DYM: variants seen among roughly 807,000 people sequenced by gnomAD.
The protein encoded by DYM is dyggve-Melchior-Clausen syndrome protein.
In DYM, 78 loss-of-function variants were observed where a neutral mutation model predicts 93.1. The ratio of observed to expected loss-of-function variants is 0.84; its 90% CI spans 0.70 to 1.01. The LOEUF (loss-of-function observed/expected upper bound fraction) is 1.01. DYM is among the 50% of genes least tolerant of loss of function. DYM has a pLI of 0.00. For missense variants in DYM, 789 were observed against 845.0 expected (o/e 0.93, Z 0.82); for synonymous variants, 321 against 319.7 (o/e 1.00, Z -0.04).
intron 15 of DYM, among the ~76,000 whole-genome samples, chr18:49,131,317 T>A (rs1295338380): frequency 6.6e-6 from 1 of 151,054 alleles, no homozygotes; most frequent in East Asian, 2.0e-4. Flanking sequence ...GCAAGTGAGC[T>A]CTGGTGTCTC....
At position 49,181,929 on chromosome 18, in the gene DYM, T is replaced by C. The variant is rs536144700; in HGVS notation, c.1626-18142A>G. On this transcript the variant is annotated intron_variant, in intron 14 of 17. Coordinates refer to ENST00000675505, the MANE Select transcript of DYM (RefSeq NM_001353214.3). ...TTGAGATCTTTCTTTCTTTCCAATA[T>C]AGGCATTTCAGGCTATACCTTCCCC... 3.3e-5 allele frequency among the ~76,000 whole-genome samples: 5 copies of C among 152,268 alleles called. No homozygotes were observed. The South Asian group carries it at 8.3e-4, about 25-fold the overall frequency.
At chr18:49,244,216 A>G (rs1041855697) in intron 13 of DYM, among the ~76,000 whole-genome samples, 1 of 152,158 alleles carries the variant, frequency 6.6e-6, no homozygotes, top group Non-Finnish European at 1.5e-5. Context: ...AGAACTGAGG[A>G]AATCCTCACT....
intron 17 of DYM, among the ~76,000 whole-genome samples, chr18:49,076,068 ATT>A (rs1345000732): frequency 6.6e-6 from 1 of 152,198 alleles, no homozygotes; most frequent in Non-Finnish European, 1.5e-5. Flanking sequence ...ATTAAAGTAA[ATT>A]TCAAAAAAGC....
At chr18:49,302,057 G>A (rs1218850830) in intron 8 of DYM, among the ~76,000 whole-genome samples, 1 of 152,132 alleles carries the variant, frequency 6.6e-6, no homozygotes, top group African/African-American at 2.4e-5. Context: ...TTTAAAACTT[G>A]CGTGCAAAGA....
intron 8 of DYM, among the ~76,000 whole-genome samples, chr18:49,297,965 A>G (rs495851): frequency 6.2e-4 from 94 of 152,224 alleles, no homozygotes; most frequent in Non-Finnish European, 1.1e-3. Context: ...TAAAACAGTA[A>G]CATACACAAC....
intron 11 of DYM, among the ~76,000 whole-genome samples, chr18:49,269,863 T>C (rs998508587): frequency 5.3e-5 from 8 of 152,230 alleles, no homozygotes; most frequent in African/African-American, 1.9e-4. Flanking sequence ...AGTAATGTCT[T>C]GGTCCTTCAC....
chr18:49,224,276 G>A (rs987512421), intron 13 of DYM, among the ~76,000 whole-genome samples: 4 of 152,050 alleles, frequency 2.6e-5, no homozygotes, highest in Non-Finnish European at 5.9e-5. Context: ...TCGACATGCT[G>A]AGTTTGAGAT....
At chr18:49,104,450 T>C (rs543620653) in intron 16 of DYM, among the ~76,000 whole-genome samples, 1 of 152,312 alleles carries the variant, frequency 6.6e-6, no homozygotes, top group African/African-American at 2.4e-5. Context: ...CAATACTATG[T>C]TGAATAGGAG....
chr18:49,408,457 G>A (rs2071786591), intron 2 of DYM, among the ~76,000 whole-genome samples: 1 of 152,146 alleles, frequency 6.6e-6, no homozygotes, highest in Non-Finnish European at 1.5e-5. Context: ...CAATTGCTAG[G>A]TCAATGAACA....
intron 14 of DYM, among the ~76,000 whole-genome samples, chr18:49,177,468 C>A (rs114947378): frequency 0.01 from 1,563 of 152,080 alleles, 26 homozygotes; most frequent in African/African-American, 0.036. Context: ...TTTGAAATTT[C>A]TTTTTTGCTT....
Position 49,286,480 on chromosome 18 carries a change from CGCATCTGAG to C in DYM, c.891_899del (p.Ser298_Ala300del). ...TAATGGCTTGTCTGTAGGGGTTTGG[CGCATCTGAG>C]GCATCTGTCAGATTGGCCAACACCA... On this transcript the variant is annotated inframe_deletion, in exon 9 of 18. Coordinates refer to ENST00000675505, the MANE Select transcript of DYM (RefSeq NM_001353214.3). 6.2e-7 allele frequency: 1 copy of C among 1,614,082 alleles called. No individual in the cohort carries two copies. The highest frequency in any genetic ancestry group is 8.5e-7 in the Non-Finnish European group (1 of 1,179,994).
intron 1 of DYM, among the ~76,000 whole-genome samples, chr18:49,458,416 T>G (rs1281117270): frequency 6.6e-6 from 1 of 152,154 alleles, no homozygotes; most frequent in Non-Finnish European, 1.5e-5. Context: ...GAGTCAAACA[T>G]AAAAGCGTTT....
intron 15 of DYM, among the ~76,000 whole-genome samples, chr18:49,160,109 T>C (rs983029569): frequency 3.9e-5 from 6 of 152,204 alleles, no homozygotes; most frequent in African/African-American, 9.6e-5. Context: ...ATCCTGATCA[T>C]ACAAACACCA....
chr18:49,389,735 C>T (rs997282804), intron 3 of DYM, among the ~76,000 whole-genome samples: 1 of 152,012 alleles, frequency 6.6e-6, no homozygotes, highest in Non-Finnish European at 1.5e-5. Flanking sequence ...TATTATGTTG[C>T]CCAAGCTGGT....
intron 13 of DYM, among the ~76,000 whole-genome samples, chr18:49,233,493 T>C (rs555825081): frequency 8.5e-5 from 13 of 152,330 alleles, no homozygotes; most frequent in African/African-American, 2.9e-4. Context: ...TGTAGTTACA[T>C]GACAGATTTC....
intron 3 of DYM, among the ~76,000 whole-genome samples, chr18:49,388,631 C>CA (rs1335124891): frequency 6.9e-6 from 1 of 145,714 alleles, no homozygotes; most frequent in Non-Finnish European, 1.5e-5. Context: ...CCTCAGGCGA[C>CA]AAAAAAACAA....
At chr18:49,284,831 A>G (rs957538408) in intron 9 of DYM, among the ~76,000 whole-genome samples, 10 of 152,074 alleles carry the variant, frequency 6.6e-5, no homozygotes, top group African/African-American at 2.2e-4. Flanking sequence ...TTAATTCCCT[A>G]TTGTCCTGTG....
At chr18:49,067,792 A>G (rs1035187319) in intron 17 of DYM, among the ~76,000 whole-genome samples, 12 of 152,232 alleles carry the variant, frequency 7.9e-5, no homozygotes, top group African/African-American at 2.9e-4. Context: ...ACAAATGTGC[A>G]TGAAAGTAGA....
chr18:49,385,571 T>C (rs956837384), intron 3 of DYM, among the ~76,000 whole-genome samples: 1 of 152,030 alleles, frequency 6.6e-6, no homozygotes, highest in Non-Finnish European at 1.5e-5. Flanking sequence ...GGTGCATGCC[T>C]GTAATCCCAG....
Sources: allele counts gnomAD v4.1 joint callset (sites outside exome capture counted in the v4.1 genomes callset), GRCh38; gene constraint gnomAD v4.1.1; transcripts MANE v1.5; gene names NCBI Gene and HGNC (gene_info 2026-07-23, HGNC 2026-07-21).